The following PSMA1 variants were observed in gnomAD, a reference collection of about 807,000 sequenced individuals.
PSMA1 encodes the protein proteasome 20S subunit alpha 1.
PSMA1 carries 3 observed loss-of-function variants against 38.4 expected under a neutral mutation model. The observed-to-expected ratio is 0.08, with a 90% CI of 0.04 to 0.20. The LOEUF is 0.20. Ranked by LOEUF, PSMA1 falls within the 10% of genes least tolerant of loss-of-function variation. The pLI is 1.00. For synonymous variants in PSMA1, 101 were observed against 107.1 expected (o/e 0.94, Z 0.35); for missense variants, 227 against 325.3 (o/e 0.70, Z 2.32).
chr11:14,527,219 C>T (rs1851597516), intron 2 of PSMA1, among the ~76,000 whole-genome samples: 1 of 152,158 alleles, frequency 6.6e-6, no homozygotes, highest in Non-Finnish European at 1.5e-5. Flanking sequence ...GATAAGGTAG[C>T]TAAAGAAGCA....
chr11:14,519,695 A>AT (rs1425851298), intron 1 of PSMA1, among the ~76,000 whole-genome samples: 1 of 152,124 alleles, frequency 6.6e-6, no homozygotes, highest in Non-Finnish European at 1.5e-5. Flanking sequence ...TGGGAGTGAG[A>AT]TTGAGTGCTA....
rs1851685119 is a variant in PSMA1, at chr11:14,534,831, C to T, written c.22-15790G>A. 6.6e-6 allele frequency among the ~76,000 whole-genome samples: 1 copy of T among 152,188 alleles called. No individual in the cohort carries two copies. Among genetic ancestry groups the T allele is most frequent in the South Asian group, 2.1e-4 (1 of 4,828 alleles). On this transcript the variant is annotated intron_variant, in intron 2 of 10. Transcript: ENST00000418988. This position sits in a 1 kb window ranked among gnomAD's most constrained non-coding sequence, Gnocchi z 4.5. The stretch of plus-strand genomic sequence containing the variant: ...GTGCGGTGGCTCACGCCTGTAATCC[C>T]AGCACTTTGGGAGGCAGGCAGATCT...
chr11:14,558,380 C>T (rs187665447), intron 2 of PSMA1, among the ~76,000 whole-genome samples: 2 of 152,062 alleles, frequency 1.3e-5, no homozygotes, highest in African/African-American at 4.8e-5. Flanking sequence ...TGTGCCACTG[C>T]AATCCAGTCT....
intron 2 of PSMA1, among the ~76,000 whole-genome samples, chr11:14,550,452 TGATA>T (rs1851873586): frequency 6.6e-6 from 1 of 152,184 alleles, no homozygotes; most frequent in Admixed American, 6.5e-5. Context: ...CTATTTATCT[TGATA>T]GATAAAGTTA....
At chr11:14,586,438 A>T (rs1279785316) in intron 2 of PSMA1, among the ~76,000 whole-genome samples, 1 of 152,142 alleles carries the variant, frequency 6.6e-6, no homozygotes, top group Non-Finnish European at 1.5e-5. Context: ...TCTCAAAAAA[A>T]AAAAGGAAAT....
intron 4 of PSMA1, among the ~76,000 whole-genome samples, chr11:14,516,209 CAA>C (rs35003395): frequency 6.7e-4 from 96 of 143,430 alleles, no homozygotes; most frequent in Non-Finnish European, 5.8e-4. Flanking sequence ...GACTCCGTCT[CAA>C]AAAAAAAAAA....
chr11:14,566,413 A>G (rs1852072139), intron 2 of PSMA1, among the ~76,000 whole-genome samples: 1 of 152,176 alleles, frequency 6.6e-6, no homozygotes, highest in Non-Finnish European at 1.5e-5. Flanking sequence ...GACATGAGGT[A>G]TTAGAAAAAG....
chr11:14,507,443 G>C (rs1206149958), intron 9 of PSMA1: 3 of 451,064 alleles, frequency 6.7e-6, no homozygotes, highest in Non-Finnish European at 1.2e-5. Flanking sequence ...TGGGATTACA[G>C]GCATGAGCCA....
At chr11:14,558,320 G>A (rs983726717) in intron 2 of PSMA1, among the ~76,000 whole-genome samples, 2 of 151,616 alleles carry the variant, frequency 1.3e-5, no homozygotes, top group Non-Finnish European at 2.9e-5. Context: ...TAGAAAGGCT[G>A]AGACAGGATC....
chr11:14,555,106 G>A (rs188850664), intron 2 of PSMA1, among the ~76,000 whole-genome samples: 3 of 152,336 alleles, frequency 2.0e-5, no homozygotes, highest in Admixed American at 2.0e-4. Context: ...GGTTCACTAC[G>A]TCACATGTGT....
intron 2 of PSMA1, among the ~76,000 whole-genome samples, chr11:14,577,776 A>T (rs1852235974): frequency 6.6e-6 from 1 of 152,146 alleles, no homozygotes; most frequent in Non-Finnish European, 1.5e-5. Context: ...GAACCCAGAC[A>T]GTCAGGCTCC....
At chr11:14,558,554 T>C (rs1446378078) in intron 2 of PSMA1, among the ~76,000 whole-genome samples, 1 of 152,268 alleles carries the variant, frequency 6.6e-6, no homozygotes, top group Non-Finnish European at 1.5e-5. Context: ...ACCCAAGCTA[T>C]TCCCTGAGGG....
At chr11:14,591,339 C>T (rs934342813) in intron 2 of PSMA1, among the ~76,000 whole-genome samples, 1 of 152,214 alleles carries the variant, frequency 6.6e-6, no homozygotes, top group African/African-American at 2.4e-5. Context: ...CATGCCTGAG[C>T]CTCCCACCCA....
chr11:14,608,728 T>C (rs962560798), intron 2 of PSMA1, among the ~76,000 whole-genome samples: 11 of 147,816 alleles, frequency 7.4e-5, no homozygotes, highest in African/African-American at 1.7e-4. Context: ...ATATATAATA[T>C]AAAAGTATAC....
chr11:14,611,133 T>C, exon 2 of PSMA1: 3 of 694,654 alleles, frequency 4.3e-6, no homozygotes, highest in African/African-American at 1.8e-5. Flanking sequence ...GAATACATGC[T>C]TTTTGCAGGG....
In PSMA1 at chr11:14,507,739, C is replaced by A; in HGVS notation, c.652G>T (p.Asp218Tyr). 3.1e-6 allele frequency: 5 copies of A among 1,611,146 alleles called. No homozygotes were observed. Among genetic ancestry groups the A allele is most frequent in the Non-Finnish European group, 4.2e-6 (5 of 1,177,986 alleles). ...KNVSIGIVGK[D>Y]LEFTIYDDDD... is the part of the protein sequence containing the mutation. Reference sequence around the variant, plus strand: ...TCATCATAGATTGTAAACTCCAAGTCTTTACCAACAATTCCAATGGAAACA... The same window carrying A: ...TCATCATAGATTGTAAACTCCAAGTATTTACCAACAATTCCAATGGAAACA... The change falls in exon 9 of 10, where the codon GAC (aspartate) becomes TAC (tyrosine). Residue 218 changes from aspartate to tyrosine, a missense_variant. Asp to Tyr is a radical substitution (Grantham distance 160, BLOSUM62 -3). Transcript: ENST00000396394.
chr11:14,513,986 T>C (rs1851387571), intron 5 of PSMA1, 99 bp from the exon 6 acceptor site: 2 of 1,392,376 alleles, frequency 1.4e-6, no homozygotes. Flanking sequence ...TATTCTTTAA[T>C]TGTTGCATAA....
At chr11:14,607,197 G>A (rs1852653847) in intron 2 of PSMA1, among the ~76,000 whole-genome samples, 1 of 152,310 alleles carries the variant, frequency 6.6e-6, no homozygotes, top group Non-Finnish European at 1.5e-5. Flanking sequence ...CTTTCCACAA[G>A]GAAAGAAACA....
Position 14,513,582 on chromosome 11 carries a change from C to T in PSMA1, c.532G>A (p.Glu178Lys). 1 of 1,459,860 alleles carries T rather than the reference C, an allele frequency of 6.8e-7. No individual in the cohort carries two copies. The highest frequency in any genetic ancestry group is 1.4e-5 in the South Asian group (1 of 72,978). The allele number at this position is 1,459,860 out of a possible 1,614,324, so 90.4% of individuals were successfully genotyped here. ...GGCTGTCACTTACACTCCATAAATT[C>T]AGACATATGTCTCTCCAAGTAAGTA... Reference protein sequence around the residue: ...ARTYLERHMSEFMECNLNELV... With the variant: ...ARTYLERHMSKFMECNLNELV... Residue 178 changes from glutamate to lysine, a missense_variant, in exon 7 of 10, where the codon GAA (glutamate) becomes AAA (lysine). Physicochemically the swap from Glu to Lys is moderately conservative, Grantham distance 56. Coordinates refer to ENST00000396394, the MANE Select transcript of PSMA1 (RefSeq NM_002786.4).
Sources: allele counts gnomAD v4.1 joint callset (sites outside exome capture counted in the v4.1 genomes callset), GRCh38; gene constraint gnomAD v4.1.1; non-coding constraint Gnocchi (gnomAD v3.1); transcripts MANE v1.5; gene names NCBI Gene and HGNC (gene_info 2026-07-23, HGNC 2026-07-21).